The following FCN2 variants were observed in gnomAD, a reference collection of about 807,000 sequenced individuals.
The protein encoded by FCN2 is ficolin 2.
FCN2 carries 31 observed loss-of-function variants against 32.5 expected under a neutral mutation model. That is an observed-to-expected ratio of 0.96 (90% CI 0.72 to 1.29). The LOEUF (loss-of-function observed/expected upper bound fraction) is 1.29, where lower values mean the gene tolerates loss of function less well. FCN2 is among the 50% of genes most tolerant of loss of function. The pLI, the probability that FCN2 is intolerant of heterozygous loss-of-function variation, is 0.00. For synonymous variants in FCN2, 181 were observed against 164.5 expected (o/e 1.10, Z -0.77); for missense variants, 412 against 406.5 (o/e 1.01, Z -0.12).
At chr9:134,885,435 A>G in intron 5 of FCN2, 69 bp downstream of exon 5, 2 of 1,587,920 alleles carry the variant, frequency 1.3e-6, no homozygotes, top group Non-Finnish European at 1.7e-6. Flanking sequence ...ACCTGGTGGG[A>G]GAACACACTC....
chr9:134,878,877 G>A (rs940613123), upstream of FCN2, among the ~76,000 whole-genome samples: 2 of 152,108 alleles, frequency 1.3e-5, no homozygotes, highest in African/African-American at 4.8e-5. Flanking sequence ...GCTGCATTCT[G>A]CCTTCATTTT....
At chr9:134,884,254 C>G (rs1199588560) in intron 3 of FCN2, among the ~76,000 whole-genome samples, 1 of 152,166 alleles carries the variant, frequency 6.6e-6, no homozygotes, top group Non-Finnish European at 1.5e-5. Flanking sequence ...CCTTTACTCA[C>G]TCACCTTTAC....
rs189973759 is a variant in FCN2, at chr9:134,883,562, G to A, written c.268+207G>A. 8.2e-4 allele frequency among the ~76,000 whole-genome samples: 117 copies of A among 143,502 alleles called. 2 individuals carry two copies. In the South Asian group the frequency reaches 0.014, roughly 17 times the overall value. The allele number at this position is 143,502 out of a possible 152,430, so 94.1% of individuals were successfully genotyped here. ...GTGTGTGTGGGTTCTCAGTCTGGGGGAGTGGGGTTATCAGTGTGGGAGCTG... is the reference window on the plus strand; with the variant it reads ...GTGTGTGTGGGTTCTCAGTCTGGGGAAGTGGGGTTATCAGTGTGGGAGCTG... On this transcript the variant is annotated intron_variant, in intron 3 of 7. Coordinates refer to ENST00000291744, the MANE Select transcript of FCN2 (RefSeq NM_004108.3).
intron 1 of FCN2, 55 bp from the exon 2 acceptor site, chr9:134,882,471 C>A: frequency 7.2e-7 from 1 of 1,388,874 alleles, no homozygotes; most frequent in Non-Finnish European, 1.0e-6. Context: ...ATCTATGGCT[C>A]AGTGGAGTCT....
the FCN2 span, among the ~76,000 whole-genome samples, chr9:134,873,858 G>A: frequency 2.0e-4 from 31 of 151,304 alleles, no homozygotes; most frequent in Non-Finnish European, 3.5e-4. Flanking sequence ...TCTTTTAAAT[G>A]GCAGAACTTT....
intron 6 of FCN2, among the ~76,000 whole-genome samples, 182 bp downstream of exon 6, chr9:134,886,079 G>A (rs867974757): frequency 2.0e-5 from 3 of 152,276 alleles, no homozygotes; most frequent in African/African-American, 2.4e-5. Flanking sequence ...TGGCAGCATC[G>A]GGACGGGAGA....
At chr9:134,869,703 A>G in the FCN2 span, among the ~76,000 whole-genome samples, 1 of 152,176 alleles carries the variant, frequency 6.6e-6, no homozygotes, top group Non-Finnish European at 1.5e-5. Context: ...ACTCTTCTCA[A>G]CCTGTGACCT....
At chr9:134,876,434 ACT>A (rs1254736178), upstream of FCN2, among the ~76,000 whole-genome samples, 3 of 151,266 alleles carry the variant, frequency 2.0e-5, no homozygotes, top group East Asian at 3.9e-4. Context: ...TATTCTGTAG[ACT>A]CTCTATTTCT....
chr9:134,882,137 A>G (rs999962111), intron 1 of FCN2, among the ~76,000 whole-genome samples: 8 of 152,234 alleles, frequency 5.3e-5, no homozygotes, highest in Admixed American at 5.2e-4. Context: ...GCTGTCTTAA[A>G]TGGTAGGAGC....
chr9:134,887,081 C>T (rs1830768747), intron 7 of FCN2, 87 bp from the exon 8 acceptor site: 6 of 1,507,830 alleles, frequency 4.0e-6, no homozygotes, highest in Non-Finnish European at 5.5e-6. Flanking sequence ...ATGGAGGACA[C>T]ACCAGGCCAG....
At chr9:134,869,483 G>C in the FCN2 span, among the ~76,000 whole-genome samples, 2 of 152,132 alleles carry the variant, frequency 1.3e-5, no homozygotes, top group African/African-American at 4.8e-5. Context: ...GAGGGTGGAG[G>C]GTTCTCCCCA....
chr9:134,872,015 T>C, the FCN2 span, among the ~76,000 whole-genome samples: 3 of 148,124 alleles, frequency 2.0e-5, no homozygotes, highest in South Asian at 2.2e-4. Flanking sequence ...TTTCCTAAGA[T>C]TTTTTACGAG....
chr9:134,869,048 G>T, the FCN2 span, among the ~76,000 whole-genome samples: 1 of 152,202 alleles, frequency 6.6e-6, no homozygotes, highest in Non-Finnish European at 1.5e-5. Flanking sequence ...CTCCTAAATT[G>T]TGTATTAATC....
the FCN2 span, among the ~76,000 whole-genome samples, chr9:134,864,831 C>T: frequency 6.6e-6 from 1 of 152,216 alleles, no homozygotes; most frequent in African/African-American, 2.4e-5. Context: ...CCTTTAAAGA[C>T]CAGACAGAGG....
At chr9:134,877,748 G>A (rs1369074346), upstream of FCN2, among the ~76,000 whole-genome samples, 2 of 144,988 alleles carry the variant, frequency 1.4e-5, no homozygotes, top group Non-Finnish European at 2.9e-5. Context: ...AGCATCACCT[G>A]TCCTAGAACA....
the FCN2 span, among the ~76,000 whole-genome samples, chr9:134,873,382 G>A: frequency 6.6e-6 from 1 of 152,170 alleles, no homozygotes; most frequent in Admixed American, 6.5e-5. Context: ...CCAGCTTTTA[G>A]AGGCTGCTGC....
At chr9:134,886,327 C>CA in intron 6 of FCN2, 103 bp from the exon 7 acceptor site, 1 of 1,379,828 alleles carries the variant, frequency 7.2e-7, no homozygotes, top group South Asian at 1.2e-5. Flanking sequence ...CCTCTGCCTC[C>CA]ATGGAGTCCA....
the FCN2 span, among the ~76,000 whole-genome samples, chr9:134,875,580 G>T: frequency 6.6e-6 from 1 of 152,322 alleles, no homozygotes; most frequent in South Asian, 2.1e-4. Flanking sequence ...TCACTCCCTT[G>T]TTGGTTTTGA....
upstream of FCN2, among the ~76,000 whole-genome samples, chr9:134,880,082 C>G (rs986071020): frequency 2.0e-5 from 3 of 152,018 alleles, no homozygotes; most frequent in African/African-American, 7.2e-5. Flanking sequence ...TTCCCTGGGC[C>G]CTAGGAGTGA....
Sources: allele counts gnomAD v4.1 joint callset (sites outside exome capture counted in the v4.1 genomes callset), GRCh38; gene constraint gnomAD v4.1.1; transcripts MANE v1.5; gene names NCBI Gene and HGNC (gene_info 2026-07-23, HGNC 2026-07-21).